Variants in STAB1 observed in about 807,000 individuals in gnomAD.
STAB1 encodes stabilin-1.
In STAB1, 250 loss-of-function variants were observed where a neutral mutation model predicts 332.4. The observed-to-expected ratio is 0.75, with a 90% CI of 0.68 to 0.84. The LOEUF (loss-of-function observed/expected upper bound fraction) is 0.84, where lower values mean the gene tolerates loss of function less well. STAB1 is among the 40% of genes least tolerant of loss of function. The pLI, the probability that STAB1 is intolerant of heterozygous loss-of-function variation, is 0.00. For missense variants in STAB1, 3,249 were observed against 3,489.7 expected, an observed-to-expected ratio of 0.93 and a Z score of 1.74; for synonymous variants, 1,475 against 1,390.4, an observed-to-expected ratio of 1.06 and a Z score of -1.35.
In STAB1 at chr3:52,503,050, C is replaced by T. The variant is rs1037421435; in HGVS notation, c.635C>T (p.Ala212Val). The T allele has an allele frequency of 1.9e-6, 3 of 1,603,844 alleles. No individual in the cohort carries two copies. Among genetic ancestry groups the T allele is most frequent in the Non-Finnish European group, 2.6e-6 (3 of 1,176,392 alleles). Residue 212 changes from alanine to valine, a missense_variant, in exon 7 of 69, where the codon GCA becomes GTA. Physicochemically the swap from Ala to Val is moderately conservative, Grantham distance 64. Transcript: ENST00000321725. ...TGTCCCCAGAACACCCAGTGCTCCG[C>T]AGAGGCTCCCAGCTGCAGGTGCCTG... ...LRCPQNTQCS[A>V]EAPSCRCLPG...
intron 7 of STAB1, 59 bp from the exon 8 acceptor site, chr3:52,503,285 T>C: frequency 6.4e-7 from 1 of 1,551,244 alleles, no homozygotes; most frequent in Non-Finnish European, 8.7e-7. Context: ...GTGAAAGCTG[T>C]GGCGGAGACA....
At position 52,503,501 on chromosome 3, in the gene STAB1, C is replaced by T. The variant is rs1245955316; in HGVS notation, c.852C>T (p.Pro284=). 6.2e-7 allele frequency: 1 copy of T among 1,613,558 alleles called. No homozygotes were observed. The highest frequency in any genetic ancestry group is 2.2e-5 in the East Asian group (1 of 44,894). ...DPCTDNLGGC[P]SNSTLCVYQK... ...GCACTGACAACCTTGGTGGCTGCCC[C>T]AGCAACTCTACTTTGTGTGTGTACC... Residue 284 remains proline (P), a synonymous_variant, in exon 8 of 69, where the codon CCC becomes CCT. Transcript: ENST00000321725.
chr3:52,502,920 A>G (rs2153232991), intron 6 of STAB1, 79 bp from the exon 7 acceptor site: 1 of 1,359,474 alleles, frequency 7.4e-7, no homozygotes. Context: ...AGTCACACAG[A>G]ACAGGCAAGG....
rs912573494 is a variant in STAB1, at chr3:52,516,834, C to T, written c.4363+66C>T. On this transcript the variant is annotated intron_variant, in intron 41 of 68. Transcript: ENST00000321725. The stretch of plus-strand genomic sequence containing the variant: ...GGGGTGGCTGTCCCCACAGAGCCCC[C>T]TTCACTTCCTCTAGGCCCAGCCCCC... 11 of 1,594,520 alleles carry T rather than the reference C, an allele frequency of 6.9e-6. No homozygotes were observed. The African/African-American group carries it at 1.1e-4, about 16-fold the overall frequency.
Position 52,518,001 on chromosome 3 carries a change from C to G in STAB1, c.4759C>G (p.Leu1587Val). 6.2e-7 allele frequency: 1 copy of G among 1,602,420 alleles called. No individual in the cohort carries two copies. Among genetic ancestry groups the G allele is most frequent in the South Asian group, 1.1e-5 (1 of 89,604 alleles). ...CCTCACCTGCCGTGCCCGAGTCGGC[C>G]TGGTAATGATGCCCAAGTCAGACCC... is the stretch of plus-strand genomic sequence containing the variant. Reference protein sequence around the residue: ...DGLTCRARVGLELLRDKHASF... With the variant: ...DGLTCRARVGVELLRDKHASF... Residue 1587 changes from leucine (L) to valine (V), a missense_variant and splice_region_variant, in exon 45 of 69, where the codon CTG becomes GTG. Transcript: ENST00000321725.
At chr3:52,508,425 T>A in intron 21 of STAB1, 66 bp downstream of exon 21, 1 of 1,521,470 alleles carries the variant, frequency 6.6e-7, no homozygotes, top group Admixed American at 1.7e-5. Flanking sequence ...GGTTGGCCAG[T>A]GACTGGCTGT....
chr3:52,512,284 G>C, intron 26 of STAB1, 57 bp from the exon 27 acceptor site: 1 of 1,535,096 alleles, frequency 6.5e-7, no homozygotes, highest in South Asian at 1.1e-5. Flanking sequence ...ATGGGGGAGG[G>C]AGGGGCCCAG....
At chr3:52,503,234 T>C in intron 7 of STAB1, 110 bp from the exon 8 acceptor site, 1 of 1,501,056 alleles carries the variant, frequency 6.7e-7, no homozygotes, top group Non-Finnish European at 9.0e-7. Context: ...GGGGAGCCTA[T>C]CCTCAAGGCC....
Position 52,512,623 on chromosome 3 carries a change from ATCT to A in STAB1, c.3011_3013del (p.Phe1004del), listed in dbSNP as rs1559696564. The A allele has an allele frequency of 6.2e-7, 1 of 1,613,818 alleles. No homozygotes were observed. Among genetic ancestry groups the A allele is most frequent in the Non-Finnish European group, 8.5e-7 (1 of 1,180,006 alleles). On this transcript the variant is annotated inframe_deletion, in exon 28 of 69. Transcript: ENST00000321725. Reference sequence around the variant, plus strand: ...GCTGGAGGCAAATGCCCACTTCTCCATCTTCTACCAATGGCTTAAGGTAGGACA... The same window carrying A: ...GCTGGAGGCAAATGCCCACTTCTCCATCTACCAATGGCTTAAGGTAGGACA...
chr3:52,513,006 C>T (rs1709407977), intron 29 of STAB1, 48 bp downstream of exon 29: 2 of 1,591,882 alleles, frequency 1.3e-6, no homozygotes, highest in South Asian at 2.3e-5. Context: ...TTGAGGGACC[C>T]AGTCCCTCCC....
intron 7 of STAB1, 114 bp from the exon 8 acceptor site, chr3:52,503,230 C>A: frequency 1.3e-6 from 2 of 1,492,832 alleles, no homozygotes; most frequent in Non-Finnish European, 9.1e-7. Context: ...CTAAGGGGAG[C>A]CTATCCTCAA....
chr3:52,523,814 C>T (rs548489202), intron 66 of STAB1, 57 bp from the exon 67 acceptor site: 21 of 1,583,466 alleles, frequency 1.3e-5, no homozygotes, highest in East Asian at 9.0e-5. Context: ...CCTGTGAGCC[C>T]GGGGAAGGTG....
Position 52,505,680 on chromosome 3 carries a change from C to T in STAB1, c.1594C>T (p.Pro532Ser), listed in dbSNP as rs753830709. 1.2e-6 allele frequency: 2 copies of T among 1,613,526 alleles called. No individual in the cohort carries two copies. Among genetic ancestry groups the T allele is most frequent in the Non-Finnish European group, 8.5e-7 (1 of 1,180,018 alleles). ...TGCACCACCACAGAACTGTGGGCTG[C>T]CCTCCATCCTGGACGGACCTGGGCC... is the stretch of plus-strand genomic sequence containing the variant. ...FETILENCGL[P>S]SILDGPGPFT... Residue 532 changes from proline to serine, a missense_variant, in exon 15 of 69, where the codon CCC (proline) becomes TCC (serine). Coordinates refer to ENST00000321725, the MANE Select transcript of STAB1 (RefSeq NM_015136.3).
At chr3:52,520,334 G>A (rs1427444827) in intron 52 of STAB1, 44 bp downstream of exon 52, 1 of 1,612,938 alleles carries the variant, frequency 6.2e-7, no homozygotes, top group Non-Finnish European at 8.5e-7. Context: ...TAGGAGGCAG[G>A]GGCCCTGGCA....
Position 52,517,961 on chromosome 3 carries a change from C to T in STAB1, c.4719C>T (p.His1573=), listed in dbSNP as rs780703917. The T allele has an allele frequency of 6.2e-7, 1 of 1,608,932 alleles. No individual in the cohort carries two copies. The highest frequency in any genetic ancestry group is 2.2e-5 in the East Asian group (1 of 44,856). ...GGACATGTACCTGCGACACAGCCCA[C>T]ACCGTGGGGGACGGCCTCACCTGCC... ...GQRTCTCDTA[H]TVGDGLTCRA... Residue 1573 remains histidine, a synonymous_variant, in exon 45 of 69, where the codon CAC becomes CAT. Transcript: ENST00000321725.
At chr3:52,501,971 C>T (rs773984917) in intron 3 of STAB1, 35 bp from the exon 4 acceptor site, 7 of 1,609,588 alleles carry the variant, frequency 4.3e-6, no homozygotes, top group Non-Finnish European at 5.9e-6. Flanking sequence ...GCGGAGGGTT[C>T]TGGGCACAGA....
chr3:52,504,054 G>A lies in STAB1; in HGVS notation c.1049G>A (p.Gly350Glu), dbSNP rs1708659090. Residue 350 changes from glycine (G) to glutamate (E), a missense_variant, in exon 10 of 69, where the codon GGG (glycine) becomes GAG (glutamate). Physicochemically the swap from Gly to Glu is moderately conservative, Grantham distance 98 (BLOSUM62 -2). Transcript: ENST00000321725. ...TGTGTGTGCAGGGAAAGCGAGGTGG[G>A]GGATGGGCGTGCCTGCTACGGACAC... is the stretch of plus-strand genomic sequence containing the variant. The part of the protein sequence containing the change: ...TSCVCRESEV[G>E]DGRACYGHLL... 1.3e-6 allele frequency: 2 copies of A among 1,592,592 alleles called. No homozygotes were observed. The highest frequency in any genetic ancestry group is 1.3e-5 in the African/African-American group (1 of 74,530).
In STAB1 at chr3:52,521,955, A is replaced by G; in HGVS notation, c.6271+4A>G. 2.5e-6 allele frequency: 4 copies of G among 1,607,548 alleles called. No homozygotes were observed. The highest frequency in any genetic ancestry group is 3.4e-6 in the Non-Finnish European group (4 of 1,175,676). Reference sequence around the variant, plus strand: ...GGGGATGGCCGTGTGTGTACAGGTAAGCAGATGGGCGGGGACATGGAGGTG... The same window carrying G: ...GGGGATGGCCGTGTGTGTACAGGTAGGCAGATGGGCGGGGACATGGAGGTG... On this transcript the variant is annotated splice_donor_region_variant and intron_variant, in intron 58 of 68. Coordinates refer to ENST00000321725, the MANE Select transcript of STAB1 (RefSeq NM_015136.3).
At position 52,518,707 on chromosome 3, in the gene STAB1, C is replaced by G. The variant is rs780134553; in HGVS notation, c.4888-16C>G. On this transcript the variant is annotated splice_polypyrimidine_tract_variant and intron_variant, in intron 47 of 68. Coordinates refer to ENST00000321725, the MANE Select transcript of STAB1 (RefSeq NM_015136.3). ...CGGCAGTCAGGGACCCCACTCCCCT[C>G]GCGACTCTGCTCCAGGATGAGCTGG... 3.1e-6 allele frequency: 5 copies of G among 1,612,144 alleles called. No individual in the cohort carries two copies. The South Asian group carries it at 3.3e-5, about 11-fold the overall frequency.
Sources: allele counts gnomAD v4.1 joint callset, GRCh38; gene constraint gnomAD v4.1.1; transcripts MANE v1.5; gene names NCBI Gene and HGNC (gene_info 2026-07-23, HGNC 2026-07-21).